Variants in MOXD1 observed in about 807,000 individuals in gnomAD.
MOXD1 encodes monooxygenase DBH like 1.
In MOXD1, 62 loss-of-function variants were observed where a neutral mutation model predicts 66.6. The ratio of observed to expected loss-of-function variants is 0.93; its 90% CI spans 0.76 to 1.15. The LOEUF is 1.15. Among genes scored for constraint, MOXD1 ranks in the 50% most tolerant of loss-of-function variants. MOXD1 has a pLI of 0.00. For missense variants in MOXD1, 847 were observed against 754.6 expected (o/e 1.12, Z -1.44); for synonymous variants, 303 against 281.9 (o/e 1.07, Z -0.75).
At chr6:132,342,164 A>T (rs1775577036) in intron 4 of MOXD1, among the ~76,000 whole-genome samples, 1 of 152,074 alleles carries the variant, frequency 6.6e-6, no homozygotes, top group African/African-American at 2.4e-5. Flanking sequence ...CACAACACCC[A>T]GCTAATTTTG....
At chr6:132,400,680 A>G (rs1309620547) in intron 1 of MOXD1, among the ~76,000 whole-genome samples, 3 of 152,064 alleles carry the variant, frequency 2.0e-5, no homozygotes, top group African/African-American at 7.2e-5. Context: ...AGCTGACATC[A>G]GCCCCGCGCC....
Position 132,297,874 on chromosome 6 carries a change from A to T in MOXD1, c.1590T>A (p.Thr530=). ...FMDAMNKFKW[T]KKEGLSFNKL... ...TGTTGAAGGAGAGACCTTCCTTTTTAGTCCATTTAAACTTATTCATAGCAT... is the reference window on the plus strand; with the variant it reads ...TGTTGAAGGAGAGACCTTCCTTTTTTGTCCATTTAAACTTATTCATAGCAT... The change falls in exon 11 of 12, where the codon ACT becomes ACA. Residue 530 remains threonine, a synonymous_variant. Transcript: ENST00000367963. The T allele has an allele frequency of 6.2e-7, 1 of 1,613,404 alleles. No homozygotes were observed. The highest frequency in any genetic ancestry group is 8.5e-7 in the Non-Finnish European group (1 of 1,179,608).
chr6:132,299,585 A>C (rs1774484902), intron 10 of MOXD1, among the ~76,000 whole-genome samples: 1 of 152,188 alleles, frequency 6.6e-6, no homozygotes, highest in Non-Finnish European at 1.5e-5. Context: ...TGACAGAAAA[A>C]GTGAAGTGAA....
chr6:132,393,744 G>T (rs1289868532), intron 1 of MOXD1, among the ~76,000 whole-genome samples: 1 of 152,160 alleles, frequency 6.6e-6, no homozygotes, highest in Non-Finnish European at 1.5e-5. Flanking sequence ...GGGCCCAAGA[G>T]CCCCTGCACC....
rs529397530 is a variant in MOXD1, at chr6:132,351,703, G to A, written c.663+20905C>T. Among the ~76,000 whole-genome samples, 15 of 152,186 alleles carry A rather than the reference G, an allele frequency of 9.9e-5. No homozygotes were observed. The South Asian group carries it at 2.7e-3, about 27-fold the overall frequency. ...CCCTTTCTCTATCTTGTGGAATAAT[G>A]TCAAAAAGATTGGTACCAATTCTTC... On this transcript the variant is annotated intron_variant, in intron 4 of 11. Coordinates refer to ENST00000367963, the MANE Select transcript of MOXD1 (RefSeq NM_015529.4).
chr6:132,398,115 T>A (rs1391979279), intron 1 of MOXD1, among the ~76,000 whole-genome samples: 1 of 152,194 alleles, frequency 6.6e-6, no homozygotes, highest in Non-Finnish European at 1.5e-5. Flanking sequence ...GTACACATTA[T>A]TTATCTCCCA....
Position 132,377,985 on chromosome 6 carries a change from G to A in MOXD1, c.265-3208C>T, listed in dbSNP as rs559871365. Among the ~76,000 whole-genome samples, 55 of 152,108 alleles carry A rather than the reference G, an allele frequency of 3.6e-4. No homozygotes were observed. In the South Asian group the frequency reaches 6.6e-3, roughly 18 times the overall value. ...TCTACTAAAAATACAAAAACTAGCC[G>A]CGCGTGGTGGCAGGTGCCTGTAATC... is the stretch of plus-strand genomic sequence containing the variant. On this transcript the variant is annotated intron_variant, in intron 1 of 11. Transcript: ENST00000367963.
At chr6:132,382,911 G>C (rs1279180569) in intron 1 of MOXD1, among the ~76,000 whole-genome samples, 1 of 152,078 alleles carries the variant, frequency 6.6e-6, no homozygotes, top group Non-Finnish European at 1.5e-5. Context: ...CTCACTCATT[G>C]TCAGTCTATT....
intron 4 of MOXD1, among the ~76,000 whole-genome samples, chr6:132,350,524 AT>A (rs1392733699): frequency 6.6e-6 from 1 of 151,822 alleles, no homozygotes; most frequent in Non-Finnish European, 1.5e-5. Context: ...TTTGGTGACT[AT>A]GGTCTTATAG....
intron 9 of MOXD1, among the ~76,000 whole-genome samples, chr6:132,316,849 AC>A (rs1037368797): frequency 5.9e-5 from 9 of 152,138 alleles, no homozygotes; most frequent in Admixed American, 2.0e-4. Flanking sequence ...GAGGAAGAAG[AC>A]AAAAAGGTAG....
chr6:132,317,150 C>G (rs1774976938), intron 9 of MOXD1, among the ~76,000 whole-genome samples: 1 of 152,012 alleles, frequency 6.6e-6, no homozygotes. Context: ...ACAAGTGTTG[C>G]AAAGGAAACA....
intron 1 of MOXD1, among the ~76,000 whole-genome samples, chr6:132,375,929 T>C (rs532196544): frequency 2.6e-5 from 4 of 152,164 alleles, no homozygotes. Flanking sequence ...ACAAATGAGA[T>C]GGTTTGGGCG....
intron 4 of MOXD1, among the ~76,000 whole-genome samples, chr6:132,342,910 T>C (rs532869886): frequency 2.0e-5 from 3 of 152,280 alleles, no homozygotes; most frequent in South Asian, 4.1e-4. Context: ...CTATGCAGGA[T>C]AGATAGATGC....
At chr6:132,342,897 G>C (rs1775592973) in intron 4 of MOXD1, among the ~76,000 whole-genome samples, 1 of 152,162 alleles carries the variant, frequency 6.6e-6, no homozygotes, top group Admixed American at 6.5e-5. Context: ...ATTTCTGCCA[G>C]TCCTATGCAG....
intron 4 of MOXD1, among the ~76,000 whole-genome samples, chr6:132,342,296 G>A (rs570403334): frequency 6.6e-6 from 1 of 152,222 alleles, no homozygotes; most frequent in African/African-American, 2.4e-5. Flanking sequence ...CACCACGCCT[G>A]GCCCAAATCA....
intron 1 of MOXD1, among the ~76,000 whole-genome samples, chr6:132,381,933 C>A (rs1776520310): frequency 6.6e-6 from 1 of 152,062 alleles, no homozygotes. Flanking sequence ...TCACCCACTC[C>A]TCATTTTATT....
At chr6:132,362,336 C>T (rs2114643595) in intron 4 of MOXD1, among the ~76,000 whole-genome samples, 1 of 152,182 alleles carries the variant, frequency 6.6e-6, no homozygotes, top group African/African-American at 2.4e-5. Context: ...GGTTAAAGAT[C>T]ACTTAGAACA....
intron 10 of MOXD1, among the ~76,000 whole-genome samples, chr6:132,307,837 G>A (rs1055493878): frequency 2.0e-5 from 3 of 151,918 alleles, no homozygotes; most frequent in South Asian, 2.1e-4. Flanking sequence ...AAGAGACAAC[G>A]TACCAGAATC....
rs1427094557 is a variant in MOXD1 at position 132,328,044 on chromosome 6, T to C, written c.915A>G (p.Glu305=). The C allele has an allele frequency of 6.2e-7, 1 of 1,613,532 alleles. No homozygotes were observed. The highest frequency in any genetic ancestry group is 8.5e-7 in the Non-Finnish European group (1 of 1,179,648). ...TPLDPHYVLL[E]VHYDNPTYEE... Reference sequence around the variant, plus strand: ...CATAAGTGGGATTATCATAATGGACTTCTAGGAGCACATAATGCGGATCTA... The same window carrying C: ...CATAAGTGGGATTATCATAATGGACCTCTAGGAGCACATAATGCGGATCTA... Residue 305 remains glutamate, a synonymous_variant, in exon 6 of 12, where the codon GAA becomes GAG. Coordinates refer to ENST00000367963, the MANE Select transcript of MOXD1 (RefSeq NM_015529.4).
Sources: allele counts gnomAD v4.1 joint callset (sites outside exome capture counted in the v4.1 genomes callset), GRCh38; gene constraint gnomAD v4.1.1; transcripts MANE v1.5; gene names NCBI Gene and HGNC (gene_info 2026-07-23, HGNC 2026-07-21).